Variants in CCDC85C observed in about 807,000 individuals in gnomAD.
CCDC85C encodes the protein coiled-coil domain containing 85C, also known as coiled-coil domain-containing protein 85C.
In CCDC85C, 18 loss-of-function variants were observed where a neutral mutation model predicts 38.3. The observed-to-expected ratio is 0.47, with a 90% CI of 0.33 to 0.70. The LOEUF (loss-of-function observed/expected upper bound fraction) is 0.70. CCDC85C is among the 30% of genes least tolerant of loss of function. The probability of loss-of-function intolerance (pLI) is 0.03; values close to 1 mark genes in which losing one functional copy is unlikely to be tolerated. For missense variants in CCDC85C, 566 were observed against 621.2 expected (o/e 0.91, Z 0.94); for synonymous variants, 264 against 293.8 (o/e 0.90, Z 1.04).
rs1412680617 is a variant in CCDC85C at position 99,503,576 on chromosome 14, C to G, written c.*11670G>C. 1 of 1,537,834 alleles carries G rather than the reference C, an allele frequency of 6.5e-7. No homozygotes were observed. The highest frequency in any genetic ancestry group is 1.4e-5 in the African/African-American group (1 of 72,760). On this transcript the variant is annotated 3_prime_UTR_variant, in exon 6 of 6. Transcript: ENST00000380243. Reference sequence around the variant, plus strand: ...ATTTTTTTCTCATCATACTCAGGATCCCAGTTAACAATTGTGTATTTTCTT... The same window carrying G: ...ATTTTTTTCTCATCATACTCAGGATGCCAGTTAACAATTGTGTATTTTCTT...
Sources: gnomAD v4.1 joint callset for allele counts on GRCh38, gnomAD v4.1.1 for gene constraint, MANE v1.5 for transcripts, NCBI Gene and HGNC (gene_info 2026-07-23, HGNC 2026-07-21) for gene names.